B3GALT1: variants seen among roughly 807,000 people sequenced by gnomAD.
B3GALT1 encodes the protein UDP-Gal:betaGlcNAc beta 1,3-galactosyltransferase, polypeptide 1.
In B3GALT1, 10 loss-of-function variants were observed where a neutral mutation model predicts 23.2. The ratio of observed to expected loss-of-function variants is 0.43; its 90% CI spans 0.27 to 0.73. The LOEUF (loss-of-function observed/expected upper bound fraction) is 0.73, where lower values mean the gene tolerates loss of function less well. Ranked by LOEUF, B3GALT1 falls within the 30% of genes least tolerant of loss-of-function variation. The pLI is 0.21. For synonymous variants in B3GALT1, 156 were observed against 141.5 expected (o/e 1.10, Z -0.73); for missense variants, 299 against 405.4 (o/e 0.74, Z 2.25).
chr2:167,843,736 GT>G (rs1278344029), intron 4 of B3GALT1, among the ~76,000 whole-genome samples: 2 of 152,152 alleles, frequency 1.3e-5, no homozygotes, highest in Non-Finnish European at 2.9e-5. Context: ...TAAATTGCAG[GT>G]TTCAATTGCC....
intron 2 of B3GALT1, among the ~76,000 whole-genome samples, chr2:167,520,310 A>AT (rs35629786): frequency 6.6e-6 from 1 of 151,780 alleles, no homozygotes; most frequent in Non-Finnish European, 1.5e-5. Flanking sequence ...CCCTTTATAC[A>AT]TTTTTTTAAG....
chr2:167,537,049 C>T (rs773977246), intron 2 of B3GALT1, among the ~76,000 whole-genome samples: 11 of 152,130 alleles, frequency 7.2e-5, no homozygotes, highest in Non-Finnish European at 1.3e-4. Flanking sequence ...TGTTCTCACA[C>T]TGCTAATTCC....
intron 3 of B3GALT1, among the ~76,000 whole-genome samples, chr2:167,805,852 C>G (rs531236216): frequency 6.6e-6 from 1 of 152,182 alleles, no homozygotes; most frequent in South Asian, 2.1e-4. Context: ...TAGTTTCTTC[C>G]AATTGTGTGA....
chr2:167,760,316 C>G (rs1687880618), intron 3 of B3GALT1, among the ~76,000 whole-genome samples: 1 of 152,170 alleles, frequency 6.6e-6, no homozygotes, highest in Non-Finnish European at 1.5e-5. Context: ...GAGGTCACAA[C>G]TTATAATATT....
intron 2 of B3GALT1, among the ~76,000 whole-genome samples, chr2:167,511,002 A>G (rs1699996157): frequency 6.6e-6 from 1 of 152,190 alleles, no homozygotes; most frequent in African/African-American, 2.4e-5. Flanking sequence ...AAGAGAAAGT[A>G]AAATATTAAT....
At chr2:167,522,694 C>A (rs1028918926) in intron 2 of B3GALT1, among the ~76,000 whole-genome samples, 10 of 151,988 alleles carry the variant, frequency 6.6e-5, no homozygotes, top group African/African-American at 2.4e-4. Flanking sequence ...ATTCAAGGTA[C>A]CAAAAAATCT....
At position 167,832,516 on chromosome 2, in the gene B3GALT1, C is replaced by G. The variant is rs1373521720; in HGVS notation, c.-230+13723C>G. Among the ~76,000 whole-genome samples, 7 of 152,208 alleles carry G rather than the reference C, an allele frequency of 4.6e-5. No individual in the cohort carries two copies. In the East Asian group the frequency reaches 1.4e-3, roughly 29 times the overall value. On this transcript the variant is annotated intron_variant, in intron 4 of 4. Transcript: ENST00000392690. ...GTTATGAGAATCTCACTTTTAACCA[C>G]CATATACTTAAAAATACAAATTTCA... is the stretch of plus-strand genomic sequence containing the variant.
intron 3 of B3GALT1, among the ~76,000 whole-genome samples, chr2:167,735,458 C>A (rs1687477755): frequency 6.6e-6 from 1 of 152,202 alleles, no homozygotes; most frequent in African/African-American, 2.4e-5. Flanking sequence ...TGTGAGAATT[C>A]CAATCTATTT....
intron 2 of B3GALT1, among the ~76,000 whole-genome samples, chr2:167,594,156 T>C (rs576903120): frequency 2.6e-5 from 4 of 152,282 alleles, no homozygotes; most frequent in African/African-American, 9.6e-5. Context: ...ATAGTGGTTA[T>C]CTCGAGTGGA....
chr2:167,344,993 T>TA (rs1559070955), intron 1 of B3GALT1, among the ~76,000 whole-genome samples: 3 of 152,314 alleles, frequency 2.0e-5, no homozygotes, highest in South Asian at 4.1e-4. Flanking sequence ...GGGATCTTGT[T>TA]AAAAAATGAA....
chr2:167,575,022 G>A (rs1243992583), intron 2 of B3GALT1, among the ~76,000 whole-genome samples: 2 of 151,640 alleles, frequency 1.3e-5, no homozygotes, highest in Non-Finnish European at 3.0e-5. Context: ...TCTATACTTT[G>A]TTCACACCTC....
At chr2:167,734,763 A>G (rs1687466500) in intron 3 of B3GALT1, among the ~76,000 whole-genome samples, 1 of 152,208 alleles carries the variant, frequency 6.6e-6, no homozygotes, top group Admixed American at 6.5e-5. Flanking sequence ...GATAATGTAA[A>G]GGGGAGACTG....
intron 1 of B3GALT1, among the ~76,000 whole-genome samples, chr2:167,460,695 C>T (rs1219724165): frequency 6.6e-6 from 1 of 151,796 alleles, no homozygotes; most frequent in Non-Finnish European, 1.5e-5. Context: ...GAAAACTGAA[C>T]ATTTGAATCT....
chr2:167,409,423 A>G (rs1014182438), intron 1 of B3GALT1, among the ~76,000 whole-genome samples: 1 of 152,054 alleles, frequency 6.6e-6, no homozygotes, highest in Non-Finnish European at 1.5e-5. Context: ...ACATAGTCCC[A>G]TATTTCTTGG....
At chr2:167,330,246 T>A (rs1368370319) in intron 1 of B3GALT1, among the ~76,000 whole-genome samples, 1 of 149,408 alleles carries the variant, frequency 6.7e-6, no homozygotes, top group Non-Finnish European at 1.5e-5. Context: ...GACTGGGTTA[T>A]TTTAACAGAC....
intron 2 of B3GALT1, among the ~76,000 whole-genome samples, chr2:167,624,703 C>CT (rs1685311768): frequency 6.6e-6 from 1 of 151,942 alleles, no homozygotes; most frequent in Admixed American, 6.6e-5. Context: ...GGGATTAGCT[C>CT]TTTGGTTTGC....
intron 1 of B3GALT1, among the ~76,000 whole-genome samples, chr2:167,330,939 C>T (rs918767804): frequency 6.6e-6 from 1 of 151,802 alleles, no homozygotes; most frequent in Non-Finnish European, 1.5e-5. Flanking sequence ...TTCATATCTG[C>T]ACATCTAGTG....
chr2:167,832,544 G>A (rs1353382855), intron 4 of B3GALT1, among the ~76,000 whole-genome samples: 1 of 152,114 alleles, frequency 6.6e-6, no homozygotes, highest in East Asian at 1.9e-4. Flanking sequence ...AAATTTCACT[G>A]AACAGTTAAT....
intron 3 of B3GALT1, among the ~76,000 whole-genome samples, chr2:167,771,325 C>G (rs1688069082): frequency 6.6e-6 from 1 of 152,202 alleles, no homozygotes; most frequent in South Asian, 2.1e-4. Context: ...TGCAGTGGCT[C>G]ACGCCTGTAA....
Sources: gnomAD v4.1 joint callset for allele counts (sites outside exome capture counted in the v4.1 genomes callset) on GRCh38, gnomAD v4.1.1 for gene constraint, MANE v1.5 for transcripts, NCBI Gene and HGNC (gene_info 2026-07-23, HGNC 2026-07-21) for gene names.